MROH9: variants seen among roughly 807,000 people sequenced by gnomAD.
MROH9 encodes the protein maestro heat-like repeat-containing protein family member 9.
MROH9 carries 92 observed loss-of-function variants against 98.2 expected under a neutral mutation model. The ratio of observed to expected loss-of-function variants is 0.94; its 90% CI spans 0.79 to 1.11. The LOEUF is 1.11. Among genes scored for constraint, MROH9 ranks in the 50% most tolerant of loss-of-function variants. The pLI is 0.00. For synonymous variants in MROH9, 397 were observed against 368.9 expected (o/e 1.08, Z -0.87); for missense variants, 1,057 against 1,014.8 (o/e 1.04, Z -0.57).
chr1:171,024,921 C>T (rs926434434), intron 19 of MROH9, among the ~76,000 whole-genome samples, 156 bp downstream of exon 19: 1 of 152,092 alleles, frequency 6.6e-6, no homozygotes, highest in African/African-American at 2.4e-5. Context: ...GGAGCTTGAG[C>T]CGAGAGGAAT....
chr1:170,978,693 G>A (rs1202059471), intron 8 of MROH9, among the ~76,000 whole-genome samples: 3 of 152,092 alleles, frequency 2.0e-5, no homozygotes, highest in Non-Finnish European at 4.4e-5. Flanking sequence ...GGCTGCCTCT[G>A]ATTGAAGGGG....
At chr1:170,985,294 T>C (rs566548760) in intron 9 of MROH9, among the ~76,000 whole-genome samples, 153 of 152,102 alleles carry the variant, frequency 1.0e-3, no homozygotes, top group Non-Finnish European at 1.9e-3. Flanking sequence ...TAAATGAAAA[T>C]CTGTGGACTA....
chr1:171,030,871 C>T (rs1470614411), intron 20 of MROH9, among the ~76,000 whole-genome samples: 2 of 152,092 alleles, frequency 1.3e-5, no homozygotes, highest in East Asian at 1.9e-4. Flanking sequence ...CTGTCTAATA[C>T]TGACAGTGAG....
intron 20 of MROH9, among the ~76,000 whole-genome samples, chr1:171,035,942 A>G (rs932643903): frequency 1.7e-4 from 26 of 152,186 alleles, no homozygotes; most frequent in African/African-American, 6.3e-4. Flanking sequence ...TGTGTTCACA[A>G]AAGATATGTA....
At chr1:171,010,650 C>G (rs1277544453) in intron 15 of MROH9, among the ~76,000 whole-genome samples, 1 of 152,186 alleles carries the variant, frequency 6.6e-6, no homozygotes, top group Non-Finnish European at 1.5e-5. Flanking sequence ...GATGTTATCT[C>G]ACTGTGGTTT....
intron 20 of MROH9, among the ~76,000 whole-genome samples, chr1:171,061,634 T>C (rs973191655): frequency 6.6e-6 from 1 of 152,184 alleles, no homozygotes; most frequent in African/African-American, 2.4e-5. Context: ...CAACCATAGA[T>C]ATGTAAACAA....
rs570450421 is a variant in MROH9 at position 170,941,369 on chromosome 1, C to A, written c.-37-4151C>A. 5.9e-5 allele frequency among the ~76,000 whole-genome samples: 9 copies of A among 152,122 alleles called. No homozygotes were observed. The South Asian group carries it at 1.2e-3, about 21-fold the overall frequency. On this transcript the variant is annotated intron_variant, in intron 1 of 21. Coordinates refer to ENST00000367759, the MANE Select transcript of MROH9 (RefSeq NM_001163629.2). The stretch of plus-strand genomic sequence containing the variant: ...TTCTGGGTTTATAAGCCAGCTTAAG[C>A]CTGGGAAATGACTGAGGGATCATGA...
At chr1:170,965,014 T>G in intron 6 of MROH9, 137 bp from the exon 7 acceptor site, 1 of 575,140 alleles carries the variant, frequency 1.7e-6, no homozygotes. Flanking sequence ...TCTGTGTTTT[T>G]GAGATAAATG....
In MROH9 at chr1:170,971,860, T is replaced by C; in HGVS notation, c.593T>C (p.Leu198Pro). ...KQASLGMCHLLYIARCQNDIG... is the reference protein window; with the variant it reads ...KQASLGMCHLPYIARCQNDIG... ...GCATCATTGGGAATGTGTCACCTCC[T>C]CTACATTGCACGGTGTCAGAACGGT... The change falls in exon 8 of 22, where the codon CTC becomes CCC. Residue 198 changes from leucine (L) to proline (P), a missense_variant. Transcript: ENST00000367759. 2 of 1,614,026 alleles carry C rather than the reference T, an allele frequency of 1.2e-6. No individual in the cohort carries two copies. The highest frequency in any genetic ancestry group is 2.7e-5 in the African/African-American group (2 of 75,042).
At chr1:170,953,572 C>T (rs2101881621) in intron 3 of MROH9, among the ~76,000 whole-genome samples, 1 of 152,094 alleles carries the variant, frequency 6.6e-6, no homozygotes, top group East Asian at 1.9e-4. Context: ...ATGTTTGTAA[C>T]ATAAAGTCTT....
At chr1:170,980,305 A>T (rs1196121632) in intron 8 of MROH9, among the ~76,000 whole-genome samples, 1 of 152,220 alleles carries the variant, frequency 6.6e-6, no homozygotes, top group Non-Finnish European at 1.5e-5. Flanking sequence ...AAAAGAACAA[A>T]GTTGAAGGCA....
At chr1:171,063,316 G>C (rs1445712313) in intron 21 of MROH9, among the ~76,000 whole-genome samples, 1 of 139,034 alleles carries the variant, frequency 7.2e-6, no homozygotes, top group South Asian at 2.3e-4. Flanking sequence ...GCAGTGGTGT[G>C]ATCTCAGCTC....
chr1:171,048,707 A>G (rs1413667457), intron 20 of MROH9, among the ~76,000 whole-genome samples: 3 of 152,058 alleles, frequency 2.0e-5, no homozygotes, highest in African/African-American at 7.2e-5. Flanking sequence ...GCTTTCCTCA[A>G]GCAGAAGGAG....
chr1:170,997,398 C>T (rs1013625336), intron 14 of MROH9, among the ~76,000 whole-genome samples: 4 of 152,230 alleles, frequency 2.6e-5, no homozygotes, highest in Non-Finnish European at 5.9e-5. Flanking sequence ...GATATTCTTA[C>T]TCAAAGTGGG....
In MROH9 at chr1:171,016,203, C is replaced by T. The variant is rs1413626022; in HGVS notation, c.1775C>T (p.Ala592Val). Residue 592 changes from alanine to valine, a missense_variant, in exon 17 of 22, where the codon GCC becomes GTC. Physicochemically the swap from Ala to Val is moderately conservative, Grantham distance 64. Transcript: ENST00000367759. ...AGTATATTAATAGCCATCCTGGATG[C>T]CTTCCTTTCCAAAGACGATAATGTT... Reference protein sequence around the residue: ...VSSILIAILDAFLSKDDNVVL... With the variant: ...VSSILIAILDVFLSKDDNVVL... 2 of 1,533,678 alleles carry T rather than the reference C, an allele frequency of 1.3e-6. No homozygotes were observed. The highest frequency in any genetic ancestry group is 1.2e-5 in the South Asian group (1 of 80,312).
At chr1:171,047,175 C>T (rs903891095) in intron 20 of MROH9, among the ~76,000 whole-genome samples, 2 of 152,060 alleles carry the variant, frequency 1.3e-5, no homozygotes, top group Admixed American at 6.6e-5. Flanking sequence ...ACTTGGTATT[C>T]CACAACCTTT....
chr1:171,029,817 G>A (rs1292951983), intron 20 of MROH9, among the ~76,000 whole-genome samples: 1 of 152,136 alleles, frequency 6.6e-6, no homozygotes, highest in East Asian at 1.9e-4. Context: ...CATAAAATGA[G>A]TTAGGGAGGA....
At chr1:171,016,535 G>A (rs559411697) in intron 17 of MROH9, among the ~76,000 whole-genome samples, 199 bp downstream of exon 17, 82 of 151,848 alleles carry the variant, frequency 5.4e-4, no homozygotes, top group Non-Finnish European at 1.3e-4. Flanking sequence ...AAGAAAAGAA[G>A]ACTAATCAAG....
At chr1:170,998,410 G>A in intron 15 of MROH9, 136 bp downstream of exon 15, 4 of 1,604,198 alleles carry the variant, frequency 2.5e-6, no homozygotes, top group Non-Finnish European at 3.4e-6. Flanking sequence ...AAAGATATCT[G>A]AAGTCGGATG....
Sources: allele counts gnomAD v4.1 joint callset (sites outside exome capture counted in the v4.1 genomes callset), GRCh38; gene constraint gnomAD v4.1.1; transcripts MANE v1.5; gene names NCBI Gene and HGNC (gene_info 2026-07-23, HGNC 2026-07-21).